ARHGAP28: variants seen among roughly 807,000 people sequenced by gnomAD.
ARHGAP28 encodes Rho GTPase activating protein 28, also known as rho GTPase-activating protein 28.
ARHGAP28 carries 56 observed loss-of-function variants against 90.7 expected under a neutral mutation model. That is an observed-to-expected ratio of 0.62 (90% CI 0.50 to 0.77). ARHGAP28 has a LOEUF of 0.77. Among genes scored for constraint, ARHGAP28 ranks in the 30% least tolerant of loss-of-function variants. The pLI is 0.00. For missense variants in ARHGAP28, 869 were observed against 900.9 expected (o/e 0.96, Z 0.45); for synonymous variants, 308 against 323.3 (o/e 0.95, Z 0.51).
chr18:6,747,103 A>C (rs2056030137), intron 1 of ARHGAP28, among the ~76,000 whole-genome samples: 1 of 151,456 alleles, frequency 6.6e-6, no homozygotes, highest in Non-Finnish European at 1.5e-5. Flanking sequence ...ACATTAATCA[A>C]ATATCTTCTC....
At chr18:6,898,252 G>A in intron 16 of ARHGAP28, 1 of 441,012 alleles carries the variant, frequency 2.3e-6, no homozygotes. Context: ...GGTGGAGGAA[G>A]GCATAGTGAC....
At position 6,882,262 on chromosome 18, in the gene ARHGAP28, T is replaced by C. The variant is rs147133155; in HGVS notation, c.1416T>C (p.Pro472=). 15 of 1,613,876 alleles carry C rather than the reference T, an allele frequency of 9.3e-6. No homozygotes were observed. The African/African-American group carries it at 1.3e-4, about 14-fold the overall frequency. The change falls in exon 11 of 18, where the codon CCT becomes CCC. Residue 472 remains proline, a synonymous_variant. Transcript: ENST00000383472. ...FFRELPTSLF[P]VEYIPAFISL... is the part of the protein sequence containing the mutation. ...GAGAACTACCCACCTCTCTCTTCCC[T>C]GTGGAATATATACCTGCCTTCATCA...
intron 13 of ARHGAP28, 28 bp downstream of exon 13, chr18:6,890,113 C>G: frequency 2.5e-6 from 4 of 1,611,350 alleles, no homozygotes; most frequent in Non-Finnish European, 3.4e-6. Context: ...GACAGGTCCC[C>G]CTCAGAAGTC....
chr18:6,830,559 G>T (rs557553524), intron 2 of ARHGAP28, among the ~76,000 whole-genome samples: 1 of 152,248 alleles, frequency 6.6e-6, no homozygotes, highest in East Asian at 1.9e-4. Flanking sequence ...TTATGAGTGA[G>T]AACATGTGAC....
intron 1 of ARHGAP28, among the ~76,000 whole-genome samples, chr18:6,821,911 G>A (rs2056629590): frequency 1.3e-5 from 2 of 151,996 alleles, no homozygotes; most frequent in Non-Finnish European, 1.5e-5. Context: ...TGTCTTCTGT[G>A]ATTTACCTAT....
At chr18:6,750,693 CTCT>C (rs1199968003) in intron 1 of ARHGAP28, among the ~76,000 whole-genome samples, 7 of 150,474 alleles carry the variant, frequency 4.7e-5, no homozygotes, top group South Asian at 2.1e-4. Flanking sequence ...GCTCAGGTCT[CTCT>C]TCTTCTTATA....
chr18:6,877,590 G>T (rs1357699738), intron 10 of ARHGAP28, among the ~76,000 whole-genome samples: 1 of 152,226 alleles, frequency 6.6e-6, no homozygotes, highest in African/African-American at 2.4e-5. Context: ...AGGGCATCAG[G>T]GCTCCGGGCA....
Position 6,870,722 on chromosome 18 carries a change from A to C in ARHGAP28, c.944A>C (p.Tyr315Ser). The C allele has an allele frequency of 6.2e-7, 1 of 1,606,190 alleles. No individual in the cohort carries two copies. The highest frequency in any genetic ancestry group is 8.5e-7 in the Non-Finnish European group (1 of 1,177,998). Residue 315 changes from tyrosine to serine, a missense_variant, in exon 7 of 18, where the codon TAT becomes TCT. Physicochemically the swap from Tyr to Ser is moderately radical, Grantham distance 144 (BLOSUM62 -2). Transcript: ENST00000383472. ...AAATCAGAGATTAAGAAAGAAGACTATGTTTTAACTGTAAGCAAAACCTTT... is the reference window on the plus strand; with the variant it reads ...AAATCAGAGATTAAGAAAGAAGACTCTGTTTTAACTGTAAGCAAAACCTTT... Reference protein sequence around the residue: ...LKKSEIKKEDYVLTKFNVQKT... With the variant: ...LKKSEIKKEDSVLTKFNVQKT...
chr18:6,772,702 A>G (rs1476027817), intron 1 of ARHGAP28, among the ~76,000 whole-genome samples: 1 of 151,640 alleles, frequency 6.6e-6, no homozygotes, highest in Non-Finnish European at 1.5e-5. Context: ...ATTTGACAGT[A>G]TTTTCAATTT....
chr18:6,877,729 T>C (rs969330945), intron 10 of ARHGAP28, among the ~76,000 whole-genome samples: 4 of 152,192 alleles, frequency 2.6e-5, no homozygotes, highest in Non-Finnish European at 5.9e-5. Context: ...GCTTTCTGTC[T>C]CCGTTTCTCG....
intron 1 of ARHGAP28, among the ~76,000 whole-genome samples, chr18:6,769,520 T>A (rs2056225834): frequency 6.6e-6 from 1 of 152,224 alleles, no homozygotes; most frequent in African/African-American, 2.4e-5. Context: ...TTTGCATTCA[T>A]AAACTCATTT....
intron 5 of ARHGAP28, among the ~76,000 whole-genome samples, chr18:6,865,743 T>A (rs1467604915): frequency 6.6e-6 from 1 of 152,116 alleles, no homozygotes; most frequent in Non-Finnish European, 1.5e-5. Flanking sequence ...AGTACCAGGC[T>A]CCTACAATTT....
Position 6,848,519 on chromosome 18 carries a change from T to G in ARHGAP28, c.544-2515T>G, listed in dbSNP as rs76534998. Among the ~76,000 whole-genome samples the G allele has an allele frequency of 0.021, 3,175 of 152,238 alleles. 240 individuals carry two copies. In the East Asian group the frequency reaches 0.28, roughly 13 times the overall value. ...TTTATATATTAGCTTAAAAGTGAAT[T>G]TAAAATGCAAACAAAAGCAATGGTG... On this transcript the variant is annotated intron_variant, in intron 3 of 17. Transcript: ENST00000383472.
chr18:6,846,599 C>G (rs1363578378), intron 3 of ARHGAP28, among the ~76,000 whole-genome samples: 6 of 152,100 alleles, frequency 3.9e-5, no homozygotes, highest in Middle Eastern at 3.2e-3. Context: ...TAACACCTTC[C>G]AGTCATACCT....
chr18:6,817,339 A>T (rs2056598443), intron 1 of ARHGAP28, among the ~76,000 whole-genome samples: 1 of 151,570 alleles, frequency 6.6e-6, no homozygotes, highest in Non-Finnish European at 1.5e-5. Context: ...AAACAAAAAA[A>T]AAACAAAACA....
chr18:6,827,013 C>T (rs1391169308), intron 2 of ARHGAP28, among the ~76,000 whole-genome samples: 1 of 152,148 alleles, frequency 6.6e-6, no homozygotes, highest in Non-Finnish European at 1.5e-5. Flanking sequence ...GGTAAGGTCA[C>T]AGATCAACAG....
intron 5 of ARHGAP28, 123 bp downstream of exon 5, chr18:6,860,020 A>C (rs1382447806): frequency 1.2e-6 from 1 of 828,056 alleles, no homozygotes; most frequent in African/African-American, 1.7e-5. Context: ...CTAAGATTGC[A>C]AGGAAACCAC....
At chr18:6,882,087 G>T in intron 10 of ARHGAP28, 50 bp from the exon 11 acceptor site, 1 of 1,537,010 alleles carries the variant, frequency 6.5e-7, no homozygotes, top group South Asian at 1.3e-5. Flanking sequence ...GGAAAATGGG[G>T]TCAGGTGGTA....
rs540664403 is a variant in ARHGAP28 at position 6,799,736 on chromosome 18, G to A, written c.123-25026G>A. Among the ~76,000 whole-genome samples, 320 of 152,220 alleles carry A rather than the reference G, an allele frequency of 2.1e-3. 2 individuals carry two copies. The highest frequency in any genetic ancestry group is 3.6e-3 in the Non-Finnish European group (247 of 68,008). ...CTCAAGATGGATTAAAGACTTAAAC[G>A]TAAGACCTAAAACCATAAAAACCCT... On this transcript the variant is annotated intron_variant, in intron 1 of 17. Transcript: ENST00000383472.
Sources: gnomAD v4.1 joint callset for allele counts (sites outside exome capture counted in the v4.1 genomes callset) on GRCh38, gnomAD v4.1.1 for gene constraint, MANE v1.5 for transcripts, NCBI Gene and HGNC (gene_info 2026-07-23, HGNC 2026-07-21) for gene names.